The following TCAF1 variants were observed in gnomAD, a reference collection of about 807,000 sequenced individuals.
The protein encoded by TCAF1 is TRPM8 channel associated factor 1.
TCAF1 carries 4 observed loss-of-function variants against 27.3 expected under a neutral mutation model. The ratio of observed to expected loss-of-function variants is 0.15; its 90% confidence interval spans 0.07 to 0.34. The LOEUF is 0.34. TCAF1 is among the 10% of genes least tolerant of loss of function. The pLI is 1.00. For synonymous variants in TCAF1, 105 were observed against 167.1 expected (o/e 0.63, Z 2.87); for missense variants, 257 against 425.8 (o/e 0.60, Z 3.49).
intron 1 of TCAF1, among the ~76,000 whole-genome samples, chr7:143,893,054 G>C (rs1166832677): frequency 6.6e-6 from 1 of 152,044 alleles, no homozygotes; most frequent in Non-Finnish European, 1.5e-5. Context: ...ATTTAGAAGA[G>C]AAATATTGAA....
At chr7:143,895,424 A>G (rs924123357) in intron 1 of TCAF1, among the ~76,000 whole-genome samples, 1 of 151,872 alleles carries the variant, frequency 6.6e-6, no homozygotes, top group Non-Finnish European at 1.5e-5. Context: ...TTTATGACTC[A>G]ATTTATGTGA....
chr7:143,893,996 A>C (rs552548993), intron 1 of TCAF1, among the ~76,000 whole-genome samples: 5 of 151,922 alleles, frequency 3.3e-5, no homozygotes, highest in Non-Finnish European at 7.4e-5. Context: ...ATGATCAATA[A>C]AGAGACACAG....
intron 1 of TCAF1, among the ~76,000 whole-genome samples, chr7:143,876,952 T>C (rs1270247186): frequency 6.6e-6 from 1 of 152,078 alleles, no homozygotes; most frequent in Non-Finnish European, 1.5e-5. Context: ...TGGAAAGAGG[T>C]CTTCACAGAT....
intron 1 of TCAF1, among the ~76,000 whole-genome samples, chr7:143,883,113 G>A (rs1310228535): frequency 6.6e-6 from 1 of 152,212 alleles, no homozygotes; most frequent in African/African-American, 2.4e-5. Flanking sequence ...GAAAGGCTGA[G>A]CAAATTGTGG....
rs568544636 is a variant in TCAF1, at chr7:143,895,866, G to A, written c.-15+6095C>T. Among the ~76,000 whole-genome samples the A allele has an allele frequency of 2.3e-5, 3 of 129,512 alleles. No individual in the cohort carries two copies. The Admixed American group carries it at 2.8e-4, about 12-fold the overall frequency. The allele number at this position is 129,512 out of a possible 152,430, so 85.0% of individuals were successfully genotyped here. A position where few individuals can be genotyped will look rare whatever the true frequency, so the allele number is the denominator to read the frequency against. On this transcript the variant is annotated intron_variant, in intron 1 of 8. Transcript: ENST00000479870. ...AACCTATTATAAAATTAAAACATCA[G>A]AACTAAGACATGTAACTTCCAAATA... is the stretch of plus-strand genomic sequence containing the variant.
chr7:143,896,048 CAG>C (rs1477526042), intron 1 of TCAF1, among the ~76,000 whole-genome samples: 1 of 151,666 alleles, frequency 6.6e-6, no homozygotes, highest in Non-Finnish European at 1.5e-5. Context: ...TAAATATACA[CAG>C]ATTATTCAAT....
At chr7:143,889,683 AT>A (rs1204334942) in intron 1 of TCAF1, among the ~76,000 whole-genome samples, 1 of 152,218 alleles carries the variant, frequency 6.6e-6, no homozygotes, top group South Asian at 2.1e-4. Context: ...AGCAAAGGCC[AT>A]GGTGACAGTT....
At chr7:143,882,660 C>T (rs922683330) in intron 1 of TCAF1, 2 of 985,246 alleles carry the variant, frequency 2.0e-6, no homozygotes, top group South Asian at 4.7e-5. Context: ...TGCCCTCCCC[C>T]CCGCAGCACC....
At chr7:143,883,748 G>A (rs1051169423) in intron 1 of TCAF1, among the ~76,000 whole-genome samples, 2 of 151,950 alleles carry the variant, frequency 1.3e-5, no homozygotes, top group African/African-American at 2.4e-5. Flanking sequence ...CAAGTGATCC[G>A]CCCGCCTCGG....
In TCAF1 at chr7:143,885,115, C is replaced by T. The variant is rs1195580792; in HGVS notation, c.-14-8493G>A. Reference sequence around the variant, plus strand: ...CGACCCAGTGCCTCCTTCTCCCACCCGCACCTCAGCGGACTGCATCGGGAG... The same window carrying T: ...CGACCCAGTGCCTCCTTCTCCCACCTGCACCTCAGCGGACTGCATCGGGAG... On this transcript the variant is annotated intron_variant, in intron 1 of 8. Coordinates refer to ENST00000479870, the MANE Select transcript of TCAF1 (RefSeq NM_014719.3). The T allele has an allele frequency of 4.1e-6, 4 of 985,408 alleles. No homozygotes were observed. In the African/African-American group the frequency reaches 5.2e-5, roughly 13 times the overall value. 61.0% of individuals were successfully genotyped at this position (985,408 alleles called of 1,614,324 possible). A position where few individuals can be genotyped will look rare whatever the true frequency, so the allele number is the denominator to read the frequency against.
intron 6 of TCAF1, among the ~76,000 whole-genome samples, chr7:143,859,911 TTACGG>T (rs1445731253): frequency 0.16 from 8,076 of 50,214 alleles, 1,174 homozygotes; most frequent in South Asian, 0.26. Flanking sequence ...ATAATATATA[TTACGG>T]AATATATATT....
At chr7:143,879,006 C>CT (rs1359420658) in intron 1 of TCAF1, among the ~76,000 whole-genome samples, 2 of 152,206 alleles carry the variant, frequency 1.3e-5, no homozygotes, top group African/African-American at 4.8e-5. Flanking sequence ...CTACTGCCTC[C>CT]TGGTGTGGAC....
chr7:143,882,090 C>G (rs1813059869), intron 1 of TCAF1: 2 of 151,742 alleles, frequency 1.3e-5, no homozygotes, highest in African/African-American at 4.8e-5. Flanking sequence ...CTCCCAGGCC[C>G]AAAGCCAGTC....
intron 1 of TCAF1, among the ~76,000 whole-genome samples, chr7:143,884,752 G>T (rs1813304109): frequency 6.6e-6 from 1 of 151,856 alleles, no homozygotes; most frequent in African/African-American, 2.4e-5. Context: ...GAAAGAAAGG[G>T]GGGTGGAGGA....
intron 1 of TCAF1, among the ~76,000 whole-genome samples, chr7:143,890,382 T>G (rs1813588365): frequency 6.6e-6 from 1 of 152,220 alleles, no homozygotes; most frequent in African/African-American, 2.4e-5. Context: ...CTGTTATCAC[T>G]GCTTACAAAA....
chr7:143,875,913 T>C (rs1812669465), intron 2 of TCAF1, 76 bp downstream of exon 2: 1 of 1,369,824 alleles, frequency 7.3e-7, no homozygotes, highest in African/African-American at 1.4e-5. Context: ...CTGTTAGCCT[T>C]GGAGCAACCT....
intron 1 of TCAF1, among the ~76,000 whole-genome samples, chr7:143,885,890 A>G (rs1275769767): frequency 6.6e-6 from 1 of 152,226 alleles, no homozygotes; most frequent in Non-Finnish European, 1.5e-5. Flanking sequence ...TAGCGTTTCA[A>G]TAGTCACACG....
chr7:143,860,061 T>TAATATATAATATATATTATATATA (rs1811941232), intron 6 of TCAF1, 147 bp downstream of exon 6: 1 of 73,478 alleles, frequency 1.4e-5, no homozygotes, highest in African/African-American at 5.9e-5. Context: ...ATTATATATA[T>TAATATATAATATATATTATATATA]TTCCTTCCCA....
Position 143,876,643 on chromosome 7 carries a change from G to A in TCAF1, c.-14-21C>T, listed in dbSNP as rs199947531. On this transcript the variant is annotated intron_variant, in intron 1 of 8. Coordinates refer to ENST00000479870, the MANE Select transcript of TCAF1 (RefSeq NM_014719.3). ...GGTTTCTGCAGAGAAGAAAGCAAAG[G>A]CTCAGCTTAGCGAAGAATGGATAAA... 56 of 1,472,730 alleles carry A rather than the reference G, an allele frequency of 3.8e-5. 1 individual carries two copies. In the South Asian group the frequency reaches 8.4e-4, roughly 22 times the overall value. The allele number at this position is 1,472,730 out of a possible 1,614,324, so 91.2% of individuals were successfully genotyped here.
Sources: gnomAD v4.1 joint callset for allele counts (sites outside exome capture counted in the v4.1 genomes callset) on GRCh38, gnomAD v4.1.1 for gene constraint, MANE v1.5 for transcripts, NCBI Gene and HGNC (gene_info 2026-07-23, HGNC 2026-07-21) for gene names.